The following C8orf34 variants were observed in gnomAD, a reference collection of about 807,000 sequenced individuals.
C8orf34 encodes chromosome 8 open reading frame 34.
C8orf34 carries 65 observed loss-of-function variants against 68.3 expected under a neutral mutation model. That is an observed-to-expected ratio of 0.95 (90% CI 0.78 to 1.17). The LOEUF is 1.17. Among genes scored for constraint, C8orf34 ranks in the 50% most tolerant of loss-of-function variants. The pLI is 0.00. For missense variants in C8orf34, 664 were observed against 655.4 expected, an observed-to-expected ratio of 1.01 and a Z score of -0.14; for synonymous variants, 244 against 241.2, an observed-to-expected ratio of 1.01 and a Z score of -0.11.
At position 68,685,947 on chromosome 8, in the gene C8orf34, A is replaced by G. The variant is rs186112438; in HGVS notation, c.1242-23047A>G. ...ATGCTGATCAATTAGAAGTAAAACTAGAGACATTATAACCAATACCATAGA... is the reference window on the plus strand; with the variant it reads ...ATGCTGATCAATTAGAAGTAAAACTGGAGACATTATAACCAATACCATAGA... On this transcript the variant is annotated intron_variant, in intron 8 of 13. Transcript: ENST00000518698. Among the ~76,000 whole-genome samples the G allele has an allele frequency of 4.4e-4, 67 of 152,034 alleles. 1 individual carries two copies. The highest frequency in any genetic ancestry group is 1.6e-3 in the African/African-American group (66 of 41,522).
chr8:68,810,788 T>C (rs1389116234), intron 12 of C8orf34, among the ~76,000 whole-genome samples: 3 of 152,092 alleles, frequency 2.0e-5, no homozygotes, highest in Admixed American at 6.5e-5. Context: ...CCACAGTGGG[T>C]AGCTCCTCTC....
upstream of C8orf34, among the ~76,000 whole-genome samples, chr8:68,330,438 C>G (rs1805517480): frequency 6.6e-6 from 1 of 152,078 alleles, no homozygotes. Context: ...CCAGGCCAAA[C>G]CAGATTTTGA....
At chr8:68,448,576 A>T (rs1460253614) in intron 3 of C8orf34, among the ~76,000 whole-genome samples, 1 of 152,126 alleles carries the variant, frequency 6.6e-6, no homozygotes, top group Non-Finnish European at 1.5e-5. Context: ...TTAGAATAGG[A>T]TGTGAAAAAA....
intron 8 of C8orf34, among the ~76,000 whole-genome samples, chr8:68,671,371 T>C (rs1271579754): frequency 2.0e-5 from 3 of 152,178 alleles, no homozygotes; most frequent in African/African-American, 4.8e-5. Context: ...ATGTTGAAAA[T>C]TGTGCTGGTG....
intron 4 of C8orf34, among the ~76,000 whole-genome samples, chr8:68,472,785 G>T (rs1812436505): frequency 1.3e-5 from 2 of 152,048 alleles, no homozygotes; most frequent in Admixed American, 1.3e-4. Context: ...ATGTTTCATT[G>T]TATTCCATAT....
chr8:68,386,942 C>A (rs1808287166), intron 1 of C8orf34, among the ~76,000 whole-genome samples: 1 of 151,998 alleles, frequency 6.6e-6, no homozygotes, highest in South Asian at 2.1e-4. Context: ...AGGACAAAAT[C>A]ACCACAAATT....
rs558232871 is a variant in C8orf34 at position 68,529,403 on chromosome 8, T to G, written c.939-3580T>G. ...GAGATTTCATCTCTCAGTTATTTAT[T>G]CAAATATTTTCCTCGCAATCCGTAT... is the stretch of plus-strand genomic sequence containing the variant. On this transcript the variant is annotated intron_variant, in intron 6 of 13. Coordinates refer to ENST00000518698, the MANE Select transcript of C8orf34 (RefSeq NM_052958.4). 2.6e-5 allele frequency among the ~76,000 whole-genome samples: 4 copies of G among 152,316 alleles called. No homozygotes were observed. The South Asian group carries it at 8.3e-4, about 32-fold the overall frequency.
At chr8:68,500,405 G>A (rs1172608682) in intron 5 of C8orf34, among the ~76,000 whole-genome samples, 1 of 152,192 alleles carries the variant, frequency 6.6e-6, no homozygotes, top group East Asian at 1.9e-4. Flanking sequence ...ACAGTTGAAT[G>A]CCACGTGGGA....
chr8:68,345,663 A>G (rs2129618261), intron 1 of C8orf34, among the ~76,000 whole-genome samples: 1 of 152,102 alleles, frequency 6.6e-6, no homozygotes, highest in South Asian at 2.1e-4. Flanking sequence ...TGAATAACCA[A>G]TTTAGAAGCT....
At chr8:68,409,860 T>C (rs572627191) in intron 1 of C8orf34, among the ~76,000 whole-genome samples, 1 of 152,326 alleles carries the variant, frequency 6.6e-6, no homozygotes, top group South Asian at 2.1e-4. Context: ...TTACTGTACC[T>C]TTTTAATGTT....
intron 8 of C8orf34, among the ~76,000 whole-genome samples, chr8:68,700,667 G>A (rs1276410677): frequency 1.3e-5 from 2 of 152,166 alleles, no homozygotes; most frequent in East Asian, 3.9e-4. Context: ...TAATTGGGGA[G>A]ATCATGCAAA....
At chr8:68,586,260 A>G (rs572875285) in intron 7 of C8orf34, among the ~76,000 whole-genome samples, 36 of 152,294 alleles carry the variant, frequency 2.4e-4, no homozygotes, top group African/African-American at 8.7e-4. Flanking sequence ...TTCAAAGAAA[A>G]TATGCACTTA....
chr8:68,685,769 A>G (rs1820497152), intron 8 of C8orf34, among the ~76,000 whole-genome samples: 1 of 151,880 alleles, frequency 6.6e-6, no homozygotes, highest in Non-Finnish European at 1.5e-5. Flanking sequence ...CCAGCTACTC[A>G]GGAGGCTGAG....
At chr8:68,605,986 T>A (rs1563557386) in intron 7 of C8orf34, among the ~76,000 whole-genome samples, 1 of 152,012 alleles carries the variant, frequency 6.6e-6, no homozygotes, top group East Asian at 1.9e-4. Context: ...ACACAGGGAA[T>A]CTCTGTACTT....
intron 7 of C8orf34, among the ~76,000 whole-genome samples, chr8:68,617,797 A>C (rs1463785156): frequency 3.3e-5 from 5 of 151,756 alleles, no homozygotes; most frequent in East Asian, 1.9e-4. Flanking sequence ...ATCTTTGTGG[A>C]GTTCTCTGTA....
intron 11 of C8orf34, among the ~76,000 whole-genome samples, chr8:68,783,285 C>G (rs944016839): frequency 6.6e-6 from 1 of 151,882 alleles, no homozygotes; most frequent in African/African-American, 2.4e-5. Context: ...TTTGGGAGGC[C>G]AAGGCGGGTG....
At chr8:68,331,579 G>A (rs1805594959) in intron 1 of C8orf34, 2 of 546,188 alleles carry the variant, frequency 3.7e-6, no homozygotes, top group East Asian at 6.5e-5. Context: ...GGAGGGCCCA[G>A]CCTCAGCCTG....
At chr8:68,713,519 A>G (rs951264505) in intron 9 of C8orf34, among the ~76,000 whole-genome samples, 1 of 152,280 alleles carries the variant, frequency 6.6e-6, no homozygotes, top group Admixed American at 6.5e-5. Flanking sequence ...CAAGGCCACT[A>G]TGAACACCTT....
At chr8:68,601,483 C>T (rs1817696809) in intron 7 of C8orf34, among the ~76,000 whole-genome samples, 1 of 151,924 alleles carries the variant, frequency 6.6e-6, no homozygotes, top group Admixed American at 6.6e-5. Context: ...TGATTTTATT[C>T]TCTGTCATCT....
Sources: gnomAD v4.1 joint callset for allele counts (sites outside exome capture counted in the v4.1 genomes callset) on GRCh38, gnomAD v4.1.1 for gene constraint, MANE v1.5 for transcripts, NCBI Gene and HGNC (gene_info 2026-07-23, HGNC 2026-07-21) for gene names.